Variants in ZCCHC7 observed in about 807,000 individuals in gnomAD.
ZCCHC7 encodes the protein zinc finger CCHC-type containing 7.
ZCCHC7 carries 35 observed loss-of-function variants against 52.0 expected under a neutral mutation model. That is an observed-to-expected ratio of 0.67 (90% CI 0.51 to 0.89). The LOEUF is 0.89. ZCCHC7 is among the 40% of genes least tolerant of loss of function. ZCCHC7 has a pLI of 0.00. For synonymous variants in ZCCHC7, 217 were observed against 221.5 expected, an observed-to-expected ratio of 0.98 and a Z score of 0.18; for missense variants, 574 against 649.1, an observed-to-expected ratio of 0.88 and a Z score of 1.26.
At chr9:37,236,516 C>A (rs35856121) in intron 2 of ZCCHC7, among the ~76,000 whole-genome samples, 7 of 151,962 alleles carry the variant, frequency 4.6e-5, no homozygotes, top group African/African-American at 1.7e-4. Flanking sequence ...CTCAGCCTCC[C>A]GAGTAGCTGG....
At chr9:37,244,184 A>C (rs1825988015) in intron 2 of ZCCHC7, among the ~76,000 whole-genome samples, 1 of 151,516 alleles carries the variant, frequency 6.6e-6, no homozygotes, top group Non-Finnish European at 1.5e-5. Flanking sequence ...TTTGTGGTAC[A>C]GGTCAAGTAC....
At chr9:37,206,751 G>A (rs529217614) in intron 2 of ZCCHC7, among the ~76,000 whole-genome samples, 83 of 152,206 alleles carry the variant, frequency 5.5e-4, no homozygotes, top group East Asian at 1.4e-3. Context: ...ACTCAATTAC[G>A]TAGATGGGGT....
Position 37,356,935 on chromosome 9 carries a change from A to G in ZCCHC7, c.1299A>G (p.Ser433=). The G allele has an allele frequency of 1.2e-6, 2 of 1,613,976 alleles. No homozygotes were observed. The highest frequency in any genetic ancestry group is 1.7e-6 in the Non-Finnish European group (2 of 1,179,956). Residue 433 remains serine (S), a synonymous_variant, in exon 9 of 9, where the codon TCA becomes TCG. Transcript: ENST00000336755. The part of the protein sequence containing the change: ...PHHDIRKGRA[S]WKSNRWPQEN... ...ATGATATAAGGAAGGGCCGTGCCTC[A>G]TGGAAAAGCAACAGGTGGCCTCAAG...
At chr9:37,336,844 A>C (rs2118380307) in intron 6 of ZCCHC7, among the ~76,000 whole-genome samples, 1 of 152,180 alleles carries the variant, frequency 6.6e-6, no homozygotes, top group Non-Finnish European at 1.5e-5. Flanking sequence ...TCATCCCTCT[A>C]TCCTGCATCA....
intron 2 of ZCCHC7, among the ~76,000 whole-genome samples, chr9:37,164,673 G>A (rs1318978762): frequency 1.3e-5 from 2 of 152,052 alleles, no homozygotes; most frequent in Admixed American, 1.3e-4. Context: ...CCTTGACCTG[G>A]GCTTACTTGA....
rs777192194 is a variant in ZCCHC7, at chr9:37,288,982, C to T, written c.611-13206C>T. Among the ~76,000 whole-genome samples, 91 of 152,150 alleles carry T rather than the reference C, an allele frequency of 6.0e-4. 1 individual carries two copies. The highest frequency in any genetic ancestry group is 2.6e-4 in the Admixed American group (4 of 15,278). On this transcript the variant is annotated intron_variant, in intron 2 of 8. Transcript: ENST00000336755. ...ATAATCCAGTATCCAATGGCATACT[C>T]CACATCTTCATTTGAATATTTTAAT...
chr9:37,290,855 A>T (rs1010143899), intron 2 of ZCCHC7, among the ~76,000 whole-genome samples: 2 of 152,144 alleles, frequency 1.3e-5, no homozygotes, highest in Non-Finnish European at 2.9e-5. Context: ...CTGTTTCATC[A>T]TCCTAGGAAT....
intron 2 of ZCCHC7, among the ~76,000 whole-genome samples, chr9:37,264,580 A>C (rs1339022551): frequency 1.3e-5 from 2 of 152,346 alleles, no homozygotes; most frequent in Non-Finnish European, 2.9e-5. Flanking sequence ...GCCTCATTAA[A>C]TTGTGGCTTC....
intron 5 of ZCCHC7, among the ~76,000 whole-genome samples, chr9:37,326,606 T>G (rs1428818348): frequency 6.6e-6 from 1 of 151,954 alleles, no homozygotes; most frequent in Non-Finnish European, 1.5e-5. Context: ...ACATATCTAC[T>G]TTTTTGTCTA....
At chr9:37,165,409 G>A (rs1361443899) in intron 2 of ZCCHC7, among the ~76,000 whole-genome samples, 1 of 152,032 alleles carries the variant, frequency 6.6e-6, no homozygotes, top group African/African-American at 2.4e-5. Context: ...TTGAGGGAAA[G>A]TATACAGTCT....
At chr9:37,124,038 T>G (rs529487983) in intron 1 of ZCCHC7, among the ~76,000 whole-genome samples, 1 of 152,362 alleles carries the variant, frequency 6.6e-6, no homozygotes, top group African/African-American at 2.4e-5. Flanking sequence ...CTTGTCCATT[T>G]GGTTTTTGGG....
At chr9:37,342,826 G>A (rs1820725445) in intron 6 of ZCCHC7, among the ~76,000 whole-genome samples, 2 of 152,174 alleles carry the variant, frequency 1.3e-5, no homozygotes, top group African/African-American at 4.8e-5. Context: ...TAAATAACTT[G>A]ACTAAGGTCA....
At chr9:37,143,092 C>T (rs1001528979) in intron 2 of ZCCHC7, among the ~76,000 whole-genome samples, 35 of 151,688 alleles carry the variant, frequency 2.3e-4, no homozygotes, top group African/African-American at 8.5e-4. Context: ...ACTTCACAGA[C>T]AATTGTCAGA....
At chr9:37,183,608 T>C (rs1822485959) in intron 2 of ZCCHC7, among the ~76,000 whole-genome samples, 1 of 152,242 alleles carries the variant, frequency 6.6e-6, no homozygotes, top group African/African-American at 2.4e-5. Context: ...ACATTTTATA[T>C]GGTTCAAACT....
At chr9:37,169,850 G>T (rs894687908) in intron 2 of ZCCHC7, among the ~76,000 whole-genome samples, 1 of 152,068 alleles carries the variant, frequency 6.6e-6, no homozygotes, top group Non-Finnish European at 1.5e-5. Flanking sequence ...TGGTTTGCTT[G>T]AGCCCAGCAG....
chr9:37,236,411 G>C lies in ZCCHC7; in HGVS notation c.611-65777G>C, dbSNP rs1445300135. Among the ~76,000 whole-genome samples the C allele has an allele frequency of 2.1e-5, 3 of 145,728 alleles. No individual in the cohort carries two copies. In the East Asian group the frequency reaches 5.9e-4, roughly 29 times the overall value. ...TTTTTTTTTATCTGAAGTGCTATCA[G>C]ATTTTTTTTTTGCTCTGTTGCCCAG... On this transcript the variant is annotated intron_variant, in intron 2 of 8. Coordinates refer to ENST00000336755, the MANE Select transcript of ZCCHC7 (RefSeq NM_032226.3).
chr9:37,136,450 C>T (rs1843000527), intron 2 of ZCCHC7, among the ~76,000 whole-genome samples: 1 of 151,742 alleles, frequency 6.6e-6, no homozygotes, highest in South Asian at 2.1e-4. Flanking sequence ...CTCTCTCCCA[C>T]CCCACCCCTG....
intron 2 of ZCCHC7, among the ~76,000 whole-genome samples, chr9:37,222,381 T>C (rs953469445): frequency 7.3e-6 from 1 of 137,448 alleles, no homozygotes; most frequent in Non-Finnish European, 1.6e-5. Flanking sequence ...GTGTGTGTTT[T>C]CAAGTATAAA....
chr9:37,166,255 G>T (rs1451795190), intron 2 of ZCCHC7, among the ~76,000 whole-genome samples: 1 of 152,082 alleles, frequency 6.6e-6, no homozygotes, highest in Non-Finnish European at 1.5e-5. Flanking sequence ...AATTAGCCAG[G>T]CAGGGTGGTG....
Sources: gnomAD v4.1 joint callset for allele counts (sites outside exome capture counted in the v4.1 genomes callset) on GRCh38, gnomAD v4.1.1 for gene constraint, MANE v1.5 for transcripts, NCBI Gene and HGNC (gene_info 2026-07-23, HGNC 2026-07-21) for gene names.